MTAP: variants seen among roughly 807,000 people sequenced by gnomAD.
MTAP encodes methylthioadenosine phosphorylase.
Under a neutral mutation model 33.6 loss-of-function variants are expected in MTAP, and 33 were observed. That is an observed-to-expected ratio of 0.98 (90% CI 0.74 to 1.31). The LOEUF (loss-of-function observed/expected upper bound fraction) is 1.31. Ranked by LOEUF, MTAP falls within the 40% of genes most tolerant of loss-of-function variation. The pLI is 0.00. For missense variants in MTAP, 367 were observed against 360.0 expected, an observed-to-expected ratio of 1.02 and a Z score of -0.16; for synonymous variants, 148 against 125.7, an observed-to-expected ratio of 1.18 and a Z score of -1.19.
rs75664672 is a variant in MTAP, at chr9:21,837,700, C to T, written c.348-208C>T. The stretch of plus-strand genomic sequence containing the variant: ...CACAGACACTTTAATTCTTGTTGTG[C>T]GGTGTGTTGCTGCCAGCCCAGAGCC... On this transcript the variant is annotated intron_variant, in intron 4 of 7. Coordinates refer to ENST00000644715, the MANE Select transcript of MTAP (RefSeq NM_002451.4). Among the ~76,000 whole-genome samples the T allele has an allele frequency of 0.018, 2,729 of 152,196 alleles. 84 individuals carry two copies. The highest frequency in any genetic ancestry group is 0.061 in the African/African-American group (2,528 of 41,498).
intron 5 of MTAP, among the ~76,000 whole-genome samples, chr9:21,840,911 C>T (rs554017681): frequency 6.6e-6 from 1 of 152,284 alleles, no homozygotes; most frequent in Admixed American, 6.5e-5. Flanking sequence ...CAGGGCACTG[C>T]AGGAGTGAGA....
chr9:21,825,417 T>C (rs1172092639), intron 4 of MTAP, among the ~76,000 whole-genome samples: 1 of 152,232 alleles, frequency 6.6e-6, no homozygotes, highest in Admixed American at 6.5e-5. Context: ...CATGTGGTAG[T>C]TGATATTTTC....
chr9:21,802,926 G>A (rs897454701), intron 1 of MTAP, 145 bp downstream of exon 1: 1 of 1,435,734 alleles, frequency 7.0e-7, no homozygotes, highest in Non-Finnish European at 9.0e-7. Context: ...CGGCACTCGG[G>A]ACTCACTTGC....
At chr9:21,839,211 G>C (rs1484054920) in intron 5 of MTAP, among the ~76,000 whole-genome samples, 2 of 147,574 alleles carry the variant, frequency 1.4e-5, no homozygotes, top group African/African-American at 5.1e-5. Context: ...GGCGAAGTTT[G>C]TATATGTATG....
chr9:21,861,817 G>A (rs1285488250), intron 7 of MTAP, 159 bp from the exon 8 acceptor site: 10 of 632,858 alleles, frequency 1.6e-5, no homozygotes, highest in African/African-American at 3.7e-5. Flanking sequence ...TTCCACATCT[G>A]GTTAGTGAAC....
intron 1 of MTAP, among the ~76,000 whole-genome samples, chr9:21,917,272 C>G (rs1444838667): frequency 6.6e-6 from 1 of 152,126 alleles, no homozygotes; most frequent in Non-Finnish European, 1.5e-5. Flanking sequence ...AGAGAGGTCT[C>G]AGCTAAAGAT....
intron 1 of MTAP, among the ~76,000 whole-genome samples, chr9:21,891,248 A>G (rs1285129484): frequency 1.3e-5 from 2 of 152,160 alleles, no homozygotes; most frequent in Non-Finnish European, 2.9e-5. Context: ...TCTTACCTCA[A>G]AATGACCACA....
At chr9:21,803,599 C>G (rs1221565725) in intron 1 of MTAP, among the ~76,000 whole-genome samples, 2 of 152,136 alleles carry the variant, frequency 1.3e-5, no homozygotes, top group Non-Finnish European at 2.9e-5. Context: ...AGAGTAGCAG[C>G]TGGCTTCCCT....
At chr9:21,816,865 T>G in intron 3 of MTAP, 93 bp downstream of exon 3, 1 of 1,058,638 alleles carries the variant, frequency 9.4e-7, no homozygotes, top group Non-Finnish European at 1.4e-6. Flanking sequence ...GGTCTGAGCT[T>G]TTATATGTTG....
chr9:21,898,532 A>G (rs1251482730), intron 1 of MTAP, among the ~76,000 whole-genome samples: 1 of 152,238 alleles, frequency 6.6e-6, no homozygotes, highest in Non-Finnish European at 1.5e-5. Flanking sequence ...AAACAAATTT[A>G]CAAGAAAAAA....
At chr9:21,910,704 CAT>C (rs1466067922) in intron 1 of MTAP, among the ~76,000 whole-genome samples, 20 of 152,274 alleles carry the variant, frequency 1.3e-4, no homozygotes, top group Middle Eastern at 3.4e-3. Context: ...ATATAATTCA[CAT>C]ATCATAAAGT....
chr9:21,837,400 A>T (rs1216963111), intron 4 of MTAP, among the ~76,000 whole-genome samples: 3 of 152,136 alleles, frequency 2.0e-5, no homozygotes, highest in East Asian at 3.9e-4. Context: ...TTAAAAACAA[A>T]TTTTTTTAAG....
At chr9:21,843,455 C>G (rs1017506860) in intron 5 of MTAP, among the ~76,000 whole-genome samples, 1 of 152,128 alleles carries the variant, frequency 6.6e-6, no homozygotes, top group African/African-American at 2.4e-5. Context: ...AATATACATT[C>G]TTTTCATCAG....
At chr9:21,860,326 G>A (rs1297867534) in intron 7 of MTAP, 1 of 152,188 alleles carries the variant, frequency 6.6e-6, no homozygotes, top group Non-Finnish European at 1.5e-5. Flanking sequence ...CTACTAATGT[G>A]AAGCCACTGA....
In MTAP at chr9:21,863,040, C is replaced by G. The variant is rs1273021553; in HGVS notation, c.*1026C>G. On this transcript the variant is annotated 3_prime_UTR_variant, in exon 8 of 8. Coordinates refer to ENST00000644715, the MANE Select transcript of MTAP (RefSeq NM_002451.4). ...CATTTAAGGGAGTTACATCTTTATT[C>G]TGCTAAAGAAGAGGATCATTGATTT... 1.0e-6 allele frequency: 1 copy of G among 985,198 alleles called. No individual in the cohort carries two copies. Among genetic ancestry groups the G allele is most frequent in the African/African-American group, 1.7e-5 (1 of 57,242 alleles). 61.0% of individuals were successfully genotyped at this position (985,198 alleles called of 1,614,324 possible).
At chr9:21,917,479 G>A (rs1345835326) in intron 1 of MTAP, among the ~76,000 whole-genome samples, 1 of 152,156 alleles carries the variant, frequency 6.6e-6, no homozygotes, top group Non-Finnish European at 1.5e-5. Flanking sequence ...GAAAAAGGAA[G>A]ACTAAGAAAT....
downstream of MTAP, chr9:21,940,998 A>G: frequency 3.0e-6 from 3 of 985,368 alleles, no homozygotes; most frequent in Non-Finnish European, 3.6e-6. Context: ...GAGTTGGAGC[A>G]AAGACCAAAC....
chr9:21,845,912 T>A (rs1022291570), intron 5 of MTAP, among the ~76,000 whole-genome samples: 1 of 152,136 alleles, frequency 6.6e-6, no homozygotes, highest in Non-Finnish European at 1.5e-5. Context: ...GGTATAAAAG[T>A]AGGCATGCAG....
chr9:21,833,133 CTT>C (rs1825014331), intron 4 of MTAP, among the ~76,000 whole-genome samples: 1 of 152,154 alleles, frequency 6.6e-6, no homozygotes, highest in South Asian at 2.1e-4. Flanking sequence ...CAGGGGCACT[CTT>C]GATACCAGAA....
Sources: allele counts gnomAD v4.1 joint callset (sites outside exome capture counted in the v4.1 genomes callset), GRCh38; gene constraint gnomAD v4.1.1; transcripts MANE v1.5; gene names NCBI Gene and HGNC (gene_info 2026-07-23, HGNC 2026-07-21).